TEX9: variants seen among roughly 807,000 people sequenced by gnomAD.
The protein encoded by TEX9 is testis expressed 9, also known as testis-expressed protein 9.
TEX9 carries 74 observed loss-of-function variants against 59.6 expected under a neutral mutation model. That is an observed-to-expected ratio of 1.24 (90% CI 1.03 to 1.51). The LOEUF is 1.51. Ranked by LOEUF, TEX9 falls within the 40% of genes most tolerant of loss-of-function variation. The pLI, the probability that TEX9 is intolerant of heterozygous loss-of-function variation, is 0.00. For missense variants in TEX9, 522 were observed against 447.8 expected (o/e 1.17, Z -1.49); for synonymous variants, 186 against 152.2 (o/e 1.22, Z -1.64).
chr15:56,372,351 T>A (rs1389357884), intron 2 of TEX9, among the ~76,000 whole-genome samples: 1 of 152,154 alleles, frequency 6.6e-6, no homozygotes, highest in Non-Finnish European at 1.5e-5. Flanking sequence ...GAGATGGTGT[T>A]TTGTGTTACT....
chr15:56,260,128 C>G (rs2141340862), intron 1 of TEX9, among the ~76,000 whole-genome samples: 1 of 152,160 alleles, frequency 6.6e-6, no homozygotes, highest in Non-Finnish European at 1.5e-5. Context: ...TTCATTAATT[C>G]TAATTGTGTA....
intron 1 of TEX9, among the ~76,000 whole-genome samples, chr15:56,279,092 T>G (rs768272460): frequency 2.0e-5 from 3 of 152,180 alleles, no homozygotes; most frequent in African/African-American, 4.8e-5. Context: ...TACATACATA[T>G]ATATATTTTT....
intron 1 of TEX9, among the ~76,000 whole-genome samples, chr15:56,296,621 T>C (rs754768632): frequency 2.0e-5 from 3 of 152,222 alleles, no homozygotes; most frequent in Admixed American, 6.5e-5. Flanking sequence ...GTGTAAAATA[T>C]AATGTCAACT....
At chr15:56,348,651 T>A (rs2046517927) in intron 1 of TEX9, among the ~76,000 whole-genome samples, 1 of 152,144 alleles carries the variant, frequency 6.6e-6, no homozygotes, top group Non-Finnish European at 1.5e-5. Context: ...CCAATTTTCT[T>A]TGACTGCCTT....
At chr15:56,339,331 C>G (rs2141820562) in intron 1 of TEX9, among the ~76,000 whole-genome samples, 1 of 137,900 alleles carries the variant, frequency 7.3e-6, no homozygotes, top group African/African-American at 2.8e-5. Context: ...TGCAGTAAGC[C>G]CTGATCACGC....
At chr15:56,256,523 G>C (rs753106058) in intron 1 of TEX9, among the ~76,000 whole-genome samples, 4 of 151,856 alleles carry the variant, frequency 2.6e-5, no homozygotes, top group African/African-American at 9.7e-5. Flanking sequence ...TAGAAGCAAG[G>C]GTATTACTAA....
intron 7 of TEX9, 74 bp from the exon 8 acceptor site, chr15:56,394,091 T>C: frequency 1.5e-6 from 2 of 1,371,476 alleles, no homozygotes; most frequent in Non-Finnish European, 2.0e-6. Flanking sequence ...CTTTATAAAG[T>C]AATGGTCTGT....
At chr15:56,401,308 C>CAAAAAAAAAAAAAAAAAAA (rs1207055803) in intron 9 of TEX9, among the ~76,000 whole-genome samples, 11 of 46,774 alleles carry the variant, frequency 2.4e-4, no homozygotes, top group East Asian at 2.2e-3. Flanking sequence ...AAATTGAAAG[C>CAAAAAAAAAAAAAAAAAAA]AAAAAAAAAA....
intron 1 of TEX9, among the ~76,000 whole-genome samples, chr15:56,344,906 C>A (rs907049481): frequency 8.6e-5 from 13 of 151,702 alleles, no homozygotes; most frequent in Non-Finnish European, 1.6e-4. Flanking sequence ...CCGTTTAACA[C>A]AATACCTAGA....
intron 9 of TEX9, chr15:56,396,398 T>C (rs991991034): frequency 2.0e-5 from 3 of 152,108 alleles, no homozygotes; most frequent in Non-Finnish European, 2.9e-5. Context: ...ATCACTATAA[T>C]TGAGACATAG....
At chr15:56,421,998 G>A (rs1567138729) in intron 10 of TEX9, among the ~76,000 whole-genome samples, 2 of 149,104 alleles carry the variant, frequency 1.3e-5, no homozygotes, top group South Asian at 4.2e-4. Flanking sequence ...GGGATGGCTG[G>A]GTCAAATGGT....
rs373200881 is a variant in TEX9, at chr15:56,325,922, A to T, written c.-106-47519A>T. Among the ~76,000 whole-genome samples, 3 of 152,316 alleles carry T rather than the reference A, an allele frequency of 2.0e-5. 1 individual carries two copies. Among genetic ancestry groups the T allele is most frequent in the Admixed American group, 6.5e-5 (1 of 15,302 alleles). On this transcript the variant is annotated intron_variant, in intron 1 of 5. Coordinates refer to the TEX9 transcript ENST00000560827. ...ACCATTTGCACAAGGTGCTTCAATG[A>T]TTCCTTCACTCATGTCTCAAGGTCT...
chr15:56,399,135 T>C (rs1424110900), intron 9 of TEX9, among the ~76,000 whole-genome samples: 1 of 151,786 alleles, frequency 6.6e-6, no homozygotes, highest in African/African-American at 2.4e-5. Flanking sequence ...CCACGGAGGG[T>C]GAACTGAAGC....
At chr15:56,378,653 C>A (rs999829477) in intron 3 of TEX9, among the ~76,000 whole-genome samples, 5 of 151,908 alleles carry the variant, frequency 3.3e-5, no homozygotes, top group South Asian at 2.1e-4. Flanking sequence ...TTAAAAAAAA[C>A]CAACTTTTTG....
chr15:56,342,398 A>T (rs1191278025), intron 1 of TEX9, among the ~76,000 whole-genome samples: 1 of 152,202 alleles, frequency 6.6e-6, no homozygotes, highest in African/African-American at 2.4e-5. Context: ...TGGCTATAAA[A>T]AATCAAAACT....
chr15:56,386,538 T>TA lies in TEX9; in HGVS notation c.264-1933dup, dbSNP rs561994307. Among the ~76,000 whole-genome samples the TA allele has an allele frequency of 5.1e-4, 77 of 152,166 alleles. 1 individual carries two copies. The highest frequency in any genetic ancestry group is 1.8e-3 in the African/African-American group (74 of 41,528). ...CCTGATCTTGCTTCCAAGAAGTTAA[T>TA]ATGTGTTGCTTTTGAGTATTTTTTA... On this transcript the variant is annotated intron_variant, in intron 4 of 12. Transcript: ENST00000352903.
intron 9 of TEX9, among the ~76,000 whole-genome samples, chr15:56,407,115 T>C (rs2049118884): frequency 6.6e-6 from 1 of 152,038 alleles, no homozygotes; most frequent in Non-Finnish European, 1.5e-5. Context: ...CAAAATCATA[T>C]ATAAATTGAC....
chr15:56,365,909 A>G, intron 2 of TEX9: 3 of 1,345,450 alleles, frequency 2.2e-6, no homozygotes, highest in South Asian at 1.6e-5. Context: ...CATGTTGTTT[A>G]ATTTAAAACG....
intron 1 of TEX9, among the ~76,000 whole-genome samples, chr15:56,335,035 C>A (rs1234341658): frequency 6.6e-6 from 1 of 152,076 alleles, no homozygotes; most frequent in African/African-American, 2.4e-5. Flanking sequence ...AAAAGGGAAT[C>A]CTGGTACACT....
Sources: allele counts gnomAD v4.1 joint callset (sites outside exome capture counted in the v4.1 genomes callset), GRCh38; gene constraint gnomAD v4.1.1; transcripts MANE v1.5; gene names NCBI Gene and HGNC (gene_info 2026-07-23, HGNC 2026-07-21).